Variants in PSD3 observed in about 807,000 individuals in gnomAD.
The protein encoded by PSD3 is PH and SEC7 domain-containing protein 3.
Under a neutral mutation model 105.5 loss-of-function variants are expected in PSD3, and 49 were observed. The observed-to-expected ratio is 0.46, with a 90% CI of 0.37 to 0.59. The LOEUF (loss-of-function observed/expected upper bound fraction) is 0.59, where lower values mean the gene tolerates loss of function less well. Among genes scored for constraint, PSD3 ranks in the 20% least tolerant of loss-of-function variants. The pLI is 0.00. For missense variants in PSD3, 1,561 were observed against 1,263.8 expected (o/e 1.24, Z -3.57); for synonymous variants, 557 against 457.8 (o/e 1.22, Z -2.77).
intron 9 of PSD3, among the ~76,000 whole-genome samples, chr8:18,699,144 C>T (rs1357118049): frequency 1.3e-5 from 2 of 152,146 alleles, no homozygotes; most frequent in Non-Finnish European, 2.9e-5. Context: ...CAACTAGATT[C>T]CTGCTAAGGA....
In PSD3 at chr8:18,939,993, T is replaced by C. The variant is rs990062595; in HGVS notation, c.22-3851A>G. ...TGTGAGTGTGTGTGCTGAGTCATGA[T>C]TAAAAGTGTATTTCTCAAGGTTGCT... On this transcript the variant is annotated intron_variant, in intron 1 of 15. Coordinates refer to ENST00000327040, the MANE Select transcript of PSD3 (RefSeq NM_015310.4). 52 of 152,180 alleles carry C rather than the reference T, an allele frequency of 3.4e-4. 1 individual carries two copies. The highest frequency in any genetic ancestry group is 1.7e-3 in the Admixed American group (26 of 15,270). The allele number at this position is 152,180 out of a possible 1,614,324, so 9.4% of individuals were successfully genotyped here.
chr8:18,863,650 C>T (rs184387708), intron 4 of PSD3, among the ~76,000 whole-genome samples: 2 of 152,252 alleles, frequency 1.3e-5, no homozygotes, highest in East Asian at 1.9e-4. Flanking sequence ...ATCTAATAGT[C>T]CATCCAGATT....
Position 18,801,368 on chromosome 8 carries a change from G to T in PSD3, c.1925C>A (p.Ala642Glu), listed in dbSNP as rs143901818. 3,555 of 1,594,708 alleles carry T rather than the reference G, an allele frequency of 2.2e-3. 130 individuals carry two copies. In the Admixed American group the frequency reaches 0.057, roughly 26 times the overall value. The change falls in exon 7 of 16, where the codon GCA becomes GAA. Residue 642 changes from alanine (A) to glutamate (E), a missense_variant. Coordinates refer to ENST00000327040, the MANE Select transcript of PSD3 (RefSeq NM_015310.4). Reference protein sequence around the residue: ...LDQSLRYFFKAFSLVGETQER... With the variant: ...LDQSLRYFFKEFSLVGETQER... ...TTGAGTTTCTCCCACAAGAGAGAAT[G>T]CTTTAAAGAAATACCTACAAGAGAA...
At chr8:19,023,740 G>A (rs873472) in intron 1 of PSD3, among the ~76,000 whole-genome samples, 74,512 of 152,038 alleles carry the variant, frequency 0.49, 19,733 homozygotes, top group Non-Finnish European at 0.6. Context: ...AATGGCTACT[G>A]TATTTAGACA....
At chr8:18,836,858 T>G (rs1437191806) in intron 4 of PSD3, among the ~76,000 whole-genome samples, 2 of 152,052 alleles carry the variant, frequency 1.3e-5, no homozygotes, top group Non-Finnish European at 2.9e-5. Flanking sequence ...CCGCCCAATA[T>G]TTTTGATCCA....
intron 4 of PSD3, among the ~76,000 whole-genome samples, chr8:18,861,759 T>A (rs1816470756): frequency 6.6e-6 from 1 of 152,088 alleles, no homozygotes; most frequent in Admixed American, 6.5e-5. Context: ...CCATGATAGG[T>A]TTAAAATAAA....
chr8:18,725,051 T>C (rs947250359), intron 9 of PSD3, among the ~76,000 whole-genome samples: 2 of 152,216 alleles, frequency 1.3e-5, no homozygotes, highest in African/African-American at 4.8e-5. Context: ...CTAATTTCCT[T>C]GTTCTTTTCT....
intron 1 of PSD3, among the ~76,000 whole-genome samples, chr8:19,038,441 C>A (rs1234656274): frequency 1.3e-5 from 2 of 152,066 alleles, no homozygotes; most frequent in East Asian, 3.9e-4. Context: ...CCCCTAGACC[C>A]CACATTTATT....
chr8:18,716,837 A>C (rs1802630130), intron 9 of PSD3, among the ~76,000 whole-genome samples: 1 of 152,182 alleles, frequency 6.6e-6, no homozygotes, highest in African/African-American at 2.4e-5. Context: ...AAAAAGGCCT[A>C]AAAGGTAATA....
At chr8:18,824,240 T>G (rs1812993806) in intron 4 of PSD3, among the ~76,000 whole-genome samples, 1 of 152,202 alleles carries the variant, frequency 6.6e-6, no homozygotes, top group Middle Eastern at 3.2e-3. Context: ...ACAAAGATAC[T>G]TAGATATAAA....
At chr8:18,741,334 G>A (rs111327020) in intron 9 of PSD3, among the ~76,000 whole-genome samples, 1 of 152,162 alleles carries the variant, frequency 6.6e-6, no homozygotes. Flanking sequence ...ATGTCACAAT[G>A]CCAGTAAGTG....
At position 18,804,505 on chromosome 8, in the gene PSD3, A is replaced by C; in HGVS notation, c.1910+17T>G. 6.4e-7 allele frequency: 1 copy of C among 1,568,972 alleles called. No individual in the cohort carries two copies. The highest frequency in any genetic ancestry group is 8.8e-7 in the Non-Finnish European group (1 of 1,142,120). On this transcript the variant is annotated intron_variant, in intron 6 of 15. Transcript: ENST00000327040. ...CATTTGAAAGCAATGACGAGCAGCA[A>C]GGAGGCTTAGTCATACCTGAGTGAC...
intron 9 of PSD3, among the ~76,000 whole-genome samples, chr8:18,681,529 G>T (rs4921607): frequency 0.81 from 121,280 of 150,350 alleles, 52,487 homozygotes; most frequent in Non-Finnish European, 0.97. Context: ...ATACAAGTAA[G>T]ATCAATGAAA....
chr8:18,644,764 T>A (rs757003874), intron 10 of PSD3, among the ~76,000 whole-genome samples: 2 of 152,204 alleles, frequency 1.3e-5, no homozygotes, highest in Non-Finnish European at 2.9e-5. Flanking sequence ...AGCTTATTGT[T>A]ATAGCAACAG....
chr8:18,679,572 C>T lies in PSD3; in HGVS notation c.2173-23887G>A, dbSNP rs556635977. On this transcript the variant is annotated intron_variant, in intron 9 of 15. Transcript: ENST00000327040. ...CCACAGAGGAAATAACCCCACCAAC[C>T]TCGGCAAGATTTCTAAAATTAACAG... 2.6e-4 allele frequency among the ~76,000 whole-genome samples: 39 copies of T among 152,294 alleles called. No individual in the cohort carries two copies. The South Asian group carries it at 3.9e-3, about 15-fold the overall frequency.
At chr8:18,575,321 C>T in intron 12 of PSD3, 36 bp from the exon 13 acceptor site, 1 of 1,510,704 alleles carries the variant, frequency 6.6e-7, no homozygotes, top group Non-Finnish European at 8.9e-7. Flanking sequence ...AGGCAAAAAT[C>T]ACGATCAGAT....
chr8:18,985,328 T>C (rs147587547), intron 1 of PSD3, among the ~76,000 whole-genome samples: 1,836 of 152,150 alleles, frequency 0.012, 25 homozygotes, highest in Admixed American at 0.022. Context: ...GCCTTTGGAG[T>C]CTCATTAAAA....
At chr8:18,970,406 C>A (rs1361759594) in intron 1 of PSD3, among the ~76,000 whole-genome samples, 1 of 149,612 alleles carries the variant, frequency 6.7e-6, no homozygotes, top group African/African-American at 2.5e-5. Context: ...ACCGGCAAAC[C>A]AACATTCCTT....
At chr8:18,642,530 G>C (rs1227442608) in intron 10 of PSD3, among the ~76,000 whole-genome samples, 1 of 151,906 alleles carries the variant, frequency 6.6e-6, no homozygotes, top group African/African-American at 2.4e-5. Context: ...TCTATCCTTA[G>C]CATACTAAGA....
Sources: allele counts gnomAD v4.1 joint callset (sites outside exome capture counted in the v4.1 genomes callset), GRCh38; gene constraint gnomAD v4.1.1; transcripts MANE v1.5; gene names NCBI Gene and HGNC (gene_info 2026-07-23, HGNC 2026-07-21).